Variants in PAK4 observed in about 807,000 individuals in gnomAD.
The protein encoded by PAK4 is serine/threonine-protein kinase PAK 4.
A neutral mutation model predicts 53.5 loss-of-function variants in PAK4; 49 were observed. The ratio of observed to expected loss-of-function variants is 0.92; its 90% CI spans 0.73 to 1.16. The LOEUF is 1.16. PAK4 is among the 50% of genes most tolerant of loss of function. The probability of loss-of-function intolerance (pLI) is 0.00; values close to 1 mark genes in which losing one functional copy is unlikely to be tolerated. For missense variants in PAK4, 824 were observed against 850.7 expected (o/e 0.97, Z 0.39); for synonymous variants, 376 against 375.6 (o/e 1.00, Z -0.01).
chr19:39,173,127 C>G lies in PAK4; in HGVS notation c.414C>G (p.Phe138Leu). ...GGAAGGCAGGCAGCCGAGGCCGGTT[C>G]GCCGGTCACAGCGAGGCGGGTGGCG... Residue 138 changes from phenylalanine (F) to leucine (L), a missense_variant, in exon 3 of 9, where the codon TTC (phenylalanine) becomes TTG (leucine). Phe to Leu is a conservative substitution (Grantham distance 22). Coordinates refer to ENST00000358301, the Ensembl canonical transcript of PAK4. This position sits in a 1 kb window ranked among gnomAD's most constrained non-coding sequence, Gnocchi z 6.9. 6.5e-7 allele frequency: 1 copy of G among 1,547,062 alleles called. No homozygotes were observed. The highest frequency in any genetic ancestry group is 1.2e-5 in the South Asian group (1 of 83,816).
At position 39,173,448 on chromosome 19, in the gene PAK4, C is replaced by T. The variant is rs372947889; in HGVS notation, c.663+72C>T. ...CTCCTCTGTCCCCACCTTCCAGCCC[C>T]GCCCCACCACCGTGCATCTCATCCT... On this transcript the variant is annotated intron_variant, in intron 3 of 8. Transcript: ENST00000358301. The surrounding 1 kb of genome is among the most constrained non-coding windows in gnomAD (Gnocchi z 6.9). 3.8e-4 allele frequency: 515 copies of T among 1,364,766 alleles called. 4 individuals are homozygous for T. The East Asian group carries it at 9.8e-3, about 26-fold the overall frequency. The allele number at this position is 1,364,766 out of a possible 1,614,324, so 84.5% of individuals were successfully genotyped here.
chr19:39,178,301 C>T lies in PAK4; in HGVS notation c.1621-123C>T. On this transcript the variant is annotated intron_variant, in intron 8 of 8. Transcript: ENST00000358301. This position sits in a 1 kb window ranked among gnomAD's most constrained non-coding sequence, Gnocchi z 4.4. ...CCCAAGATCTAGACACCCATGACCT[C>T]CGCCCCCTGCCCTCCTGCACAGTAC... 9.9e-7 allele frequency: 1 copy of T among 1,005,804 alleles called. No individual in the cohort carries two copies. Among genetic ancestry groups the T allele is most frequent in the Non-Finnish European group, 1.4e-6 (1 of 694,228 alleles). The allele number at this position is 1,005,804 out of a possible 1,614,324, so 62.3% of individuals were successfully genotyped here.
chr19:39,169,550 C>G, exon 2 of PAK4: 1 of 1,612,470 alleles, frequency 6.2e-7, no homozygotes, highest in Non-Finnish European at 8.5e-7. Context: ...GAGTCCCCGG[C>G]ACCATGTTTG....
In PAK4 at chr19:39,178,071, T is replaced by C. The variant is rs2074645003; in HGVS notation, c.1620+262T>C. The stretch of plus-strand genomic sequence containing the variant: ...ACCCAGCCCTAGAGAGATTTGCACG[T>C]TTAGAAGTGGAGGACAGGGCCGGGA... On this transcript the variant is annotated intron_variant, in intron 8 of 8. Coordinates refer to ENST00000358301, the Ensembl canonical transcript of PAK4. This position sits in a 1 kb window ranked among gnomAD's most constrained non-coding sequence, Gnocchi z 4.4. Among the ~76,000 whole-genome samples, 1 of 151,872 alleles carries C rather than the reference T, an allele frequency of 6.6e-6. No homozygotes were observed. Among genetic ancestry groups the C allele is most frequent in the Non-Finnish European group, 1.5e-5 (1 of 67,952 alleles).
intron 1 of PAK4, among the ~76,000 whole-genome samples, chr19:39,132,650 G>A (rs946876841): frequency 4.6e-5 from 7 of 152,260 alleles, no homozygotes; most frequent in Non-Finnish European, 5.9e-5. Flanking sequence ...CTGTGCATAT[G>A]TCTCTAGGTG....
intron 1 of PAK4, among the ~76,000 whole-genome samples, chr19:39,165,040 C>T (rs552630767): frequency 2.0e-5 from 3 of 151,798 alleles, no homozygotes; most frequent in East Asian, 2.0e-4. Context: ...TCCCACTACC[C>T]GTGGGGTCCA....
chr19:39,167,674 C>T lies in PAK4; in HGVS notation c.-22-1858C>T, dbSNP rs553845262. ...GGACCAGCTGAGACAGGTTGGCTGC[C>T]GGGCCCCCACCCCCCTCCCACGGGG... is the stretch of plus-strand genomic sequence containing the variant. On this transcript the variant is annotated intron_variant, in intron 1 of 8. Transcript: ENST00000358301. 1.5e-3 allele frequency among the ~76,000 whole-genome samples: 225 copies of T among 152,272 alleles called. 2 individuals carry two copies. Among genetic ancestry groups the T allele is most frequent in the African/African-American group, 5.1e-3 (213 of 41,556 alleles).
At chr19:39,147,919 C>G (rs2074029039) in intron 1 of PAK4, among the ~76,000 whole-genome samples, 2 of 138,946 alleles carry the variant, frequency 1.4e-5, no homozygotes, top group Non-Finnish European at 3.0e-5. Context: ...TTAGCCCCAC[C>G]AGGTTCTCAT....
intron 1 of PAK4, among the ~76,000 whole-genome samples, chr19:39,154,903 T>C (rs2074151805): frequency 6.6e-6 from 1 of 151,804 alleles, no homozygotes; most frequent in African/African-American, 2.4e-5. Flanking sequence ...CAGCCCCTCC[T>C]TGGACTTCCT....
downstream of PAK4, chr19:39,182,345 A>C (rs1280948098): frequency 1.3e-5 from 2 of 152,214 alleles, no homozygotes; most frequent in Non-Finnish European, 2.9e-5. Flanking sequence ...TGGAAAATGT[A>C]GTGTTTGTGT....
rs2074575735 is a variant in PAK4 at position 39,175,105 on chromosome 19, G to A, written c.1232+41G>A. On this transcript the variant is annotated intron_variant, in intron 5 of 8. Coordinates refer to ENST00000358301, the Ensembl canonical transcript of PAK4. The surrounding 1 kb of genome is among the most constrained non-coding windows in gnomAD (Gnocchi z 4.7). ...CAGACCCCTCCTGTGACACGACCAA[G>A]TCCCCTCCAGACCACTAGGGGTGGG... 6.3e-7 allele frequency: 1 copy of A among 1,578,012 alleles called. No individual in the cohort carries two copies. Among genetic ancestry groups the A allele is most frequent in the African/African-American group, 1.3e-5 (1 of 74,550 alleles).
intron 2 of PAK4, among the ~76,000 whole-genome samples, chr19:39,172,372 T>C (rs923109642): frequency 1.3e-5 from 2 of 152,078 alleles, no homozygotes; most frequent in African/African-American, 4.8e-5. Context: ...GCATTTGCAT[T>C]TGCCACCCGG....
intron 1 of PAK4, among the ~76,000 whole-genome samples, chr19:39,137,815 C>T (rs533446893): frequency 4.6e-5 from 7 of 151,938 alleles, no homozygotes; most frequent in East Asian, 1.9e-4. Flanking sequence ...TACAGTCGTG[C>T]GCCACCATGC....
Position 39,176,670 on chromosome 19 carries a change from C to G in PAK4, c.1440C>G (p.Tyr480Ter). ...GGAAGTCGCTGGTCGGCACGCCCTA[C>G]TGGATGGCCCCAGAGCTCATCTCCC... Residue 480 changes from tyrosine (Y) to a stop codon, truncating the protein, a stop_gained, in exon 7 of 9, where the codon TAC becomes TAG. Transcript: ENST00000358301. LOFTEE classifies it high-confidence loss of function. 1.2e-6 allele frequency: 2 copies of G among 1,613,000 alleles called. No individual in the cohort carries two copies. The highest frequency in any genetic ancestry group is 1.7e-6 in the Non-Finnish European group (2 of 1,180,020).
At chr19:39,180,435 T>A (rs1200017116), downstream of PAK4, 1 of 151,306 alleles carries the variant, frequency 6.6e-6, no homozygotes, top group Non-Finnish European at 1.5e-5. Context: ...TTGAATGCAC[T>A]TTCAAATGAG....
chr19:39,159,598 G>A (rs1019044098), intron 1 of PAK4, among the ~76,000 whole-genome samples: 2 of 152,196 alleles, frequency 1.3e-5, no homozygotes, highest in African/African-American at 4.8e-5. Flanking sequence ...ATGTTGGCCA[G>A]GCTGGTCTCG....
At chr19:39,156,250 AG>A (rs1226443395) in intron 1 of PAK4, among the ~76,000 whole-genome samples, 2 of 152,090 alleles carry the variant, frequency 1.3e-5, no homozygotes, top group Admixed American at 1.3e-4. Context: ...CCAGCTCTCC[AG>A]TTCTGCCTCC....
intron 1 of PAK4, among the ~76,000 whole-genome samples, chr19:39,147,912 G>T (rs1435065893): frequency 5.9e-5 from 3 of 51,148 alleles, no homozygotes; most frequent in African/African-American, 8.4e-5. Context: ...TTTTTTCTTA[G>T]CCCCACCAGG....
In PAK4 at chr19:39,167,841, C is replaced by T. The variant is rs149652858; in HGVS notation, c.-22-1691C>T. ...GGTGTGGAGGGGCTACGTGCATCTG[C>T]GCGTCCTCTGTCCTCTCACTAGGGC... is the stretch of plus-strand genomic sequence containing the variant. On this transcript the variant is annotated intron_variant, in intron 1 of 8. Transcript: ENST00000358301. 2.2e-4 allele frequency among the ~76,000 whole-genome samples: 33 copies of T among 152,364 alleles called. No individual in the cohort carries two copies. The East Asian group carries it at 6.2e-3, about 28-fold the overall frequency.
Sources: allele counts gnomAD v4.1 joint callset (sites outside exome capture counted in the v4.1 genomes callset), GRCh38; gene constraint gnomAD v4.1.1; non-coding constraint Gnocchi (gnomAD v3.1); transcripts MANE v1.5; gene names NCBI Gene and HGNC (gene_info 2026-07-23, HGNC 2026-07-21).